Variants in EPHB1 observed in about 807,000 individuals in gnomAD.
The protein encoded by EPHB1 is ephrin type-B receptor 1.
In EPHB1, 30 loss-of-function variants were observed where a neutral mutation model predicts 94.4. The ratio of observed to expected loss-of-function variants is 0.32; its 90% CI spans 0.24 to 0.43. The LOEUF (loss-of-function observed/expected upper bound fraction) is 0.43, where lower values mean the gene tolerates loss of function less well. Among genes scored for constraint, EPHB1 ranks in the 20% least tolerant of loss-of-function variants. The probability of loss-of-function intolerance (pLI) is 1.00; values close to 1 mark genes in which losing one functional copy is unlikely to be tolerated. For synonymous variants in EPHB1, 522 were observed against 489.1 expected, an observed-to-expected ratio of 1.07 and a Z score of -0.89; for missense variants, 1,055 against 1,308.3, an observed-to-expected ratio of 0.81 and a Z score of 2.99.
intron 3 of EPHB1, among the ~76,000 whole-genome samples, chr3:135,093,525 G>A (rs1251518941): frequency 1.3e-5 from 2 of 152,106 alleles, no homozygotes; most frequent in Non-Finnish European, 2.9e-5. Flanking sequence ...CAAGACCAGC[G>A]TGGCCGACAT....
intron 2 of EPHB1, among the ~76,000 whole-genome samples, chr3:134,927,913 C>T (rs1032274536): frequency 5.3e-5 from 8 of 152,200 alleles, no homozygotes; most frequent in African/African-American, 1.9e-4. Flanking sequence ...TCAACATGGC[C>T]TTTGGTCTGG....
At position 135,018,979 on chromosome 3, in the gene EPHB1, CAGAGAGGACAGGGG is replaced by C. The variant is rs1217454245; in HGVS notation, c.805+66935_805+66948del. Among the ~76,000 whole-genome samples the C allele has an allele frequency of 9.8e-4, 149 of 152,250 alleles. 3 individuals carry two copies. The South Asian group carries it at 0.029, about 30-fold the overall frequency. ...GGCTGTGCCTTGGAGAGGCATGAGGCAGAGAGGACAGGGGAGAGAGGGAGCATCAGGGAAGTCTG... is the reference window on the plus strand; with the variant it reads ...GGCTGTGCCTTGGAGAGGCATGAGGCAGAGAGGGAGCATCAGGGAAGTCTG... On this transcript the variant is annotated intron_variant, in intron 3 of 15. Transcript: ENST00000398015.
intron 15 of EPHB1, among the ~76,000 whole-genome samples, chr3:135,256,423 A>G (rs1933391675): frequency 6.6e-6 from 1 of 152,162 alleles, no homozygotes; most frequent in African/African-American, 2.4e-5. Flanking sequence ...GGTGGTGACA[A>G]AATCTCTCAG....
Position 135,170,106 on chromosome 3 carries a change from A to C in EPHB1, c.1759+3100A>C, listed in dbSNP as rs538373809. ...GACCAGGGAGTAACAGAAAACCAGC[A>C]GCTCCCCAGCTTGTTCATTAATGCC... is the stretch of plus-strand genomic sequence containing the variant. On this transcript the variant is annotated intron_variant, in intron 9 of 15. Transcript: ENST00000398015. Among the ~76,000 whole-genome samples the C allele has an allele frequency of 6.7e-4, 102 of 152,346 alleles. 1 individual carries two copies. Among genetic ancestry groups the C allele is most frequent in the Admixed American group, 2.0e-3 (31 of 15,308 alleles).
chr3:135,248,371 C>A lies in EPHB1; in HGVS notation c.2552C>A (p.Ala851Asp), dbSNP rs946684936. ...CTGCCCCCACCCATGGACTGTCCAG[C>A]TGCTCTACACCAGCTCATGCTGGAC... ...YRLPPPMDCP[A>D]ALHQLMLDCW... The change falls in exon 14 of 16, where the codon GCT becomes GAT. Residue 851 changes from alanine to aspartate, a missense_variant. By Grantham distance (126) the Ala-to-Asp change is moderately radical. Transcript: ENST00000398015. 3 of 1,612,334 alleles carry A rather than the reference C, an allele frequency of 1.9e-6. No individual in the cohort carries two copies. Among genetic ancestry groups the A allele is most frequent in the Non-Finnish European group, 2.5e-6 (3 of 1,178,880 alleles).
intron 5 of EPHB1, among the ~76,000 whole-genome samples, chr3:135,152,370 G>A (rs1199677754): frequency 1.3e-5 from 2 of 152,222 alleles, no homozygotes; most frequent in Non-Finnish European, 2.9e-5. Context: ...GAGGCAAGAA[G>A]TCTCCCCTCT....
At chr3:135,087,063 T>C (rs932747923) in intron 3 of EPHB1, among the ~76,000 whole-genome samples, 2 of 152,174 alleles carry the variant, frequency 1.3e-5, no homozygotes, top group Non-Finnish European at 2.9e-5. Context: ...AGAAGATAAA[T>C]CTGAGAGTGG....
chr3:135,238,034 A>G (rs1281958738), intron 12 of EPHB1, among the ~76,000 whole-genome samples: 1 of 152,230 alleles, frequency 6.6e-6, no homozygotes, highest in African/African-American at 2.4e-5. Context: ...ACAAGTTATA[A>G]TCATCACTTG....
At chr3:134,809,061 C>T (rs1444120575) in intron 1 of EPHB1, among the ~76,000 whole-genome samples, 1 of 152,150 alleles carries the variant, frequency 6.6e-6, no homozygotes, top group Non-Finnish European at 1.5e-5. Flanking sequence ...GGCTCATTTC[C>T]CTTCTTTTTC....
At chr3:134,993,740 C>G (rs546870094) in intron 3 of EPHB1, among the ~76,000 whole-genome samples, 1 of 152,314 alleles carries the variant, frequency 6.6e-6, no homozygotes, top group East Asian at 1.9e-4. Flanking sequence ...CTCCCCATCA[C>G]CCTTAAATGT....
chr3:135,157,806 A>G (rs1036172644), intron 6 of EPHB1, among the ~76,000 whole-genome samples: 3 of 152,238 alleles, frequency 2.0e-5, no homozygotes, highest in Admixed American at 6.5e-5. Context: ...TATGTTGAGT[A>G]TCTATTATGT....
At chr3:134,949,553 T>C (rs1422606741) in intron 2 of EPHB1, among the ~76,000 whole-genome samples, 1 of 152,210 alleles carries the variant, frequency 6.6e-6, no homozygotes, top group Non-Finnish European at 1.5e-5. Flanking sequence ...GCACACATAA[T>C]TGGCTTTTAG....
chr3:135,079,093 AAAAC>A (rs750242167), intron 3 of EPHB1, among the ~76,000 whole-genome samples: 5,811 of 151,928 alleles, frequency 0.038, 159 homozygotes, highest in East Asian at 0.13. Flanking sequence ...AAGCAAAAAA[AAAAC>A]AAAACAAACA....
chr3:135,190,817 A>T (rs987305260), intron 10 of EPHB1, among the ~76,000 whole-genome samples: 68 of 152,362 alleles, frequency 4.5e-4, no homozygotes, highest in African/African-American at 1.6e-3. Flanking sequence ...TAAATATGAT[A>T]CAACAACTTT....
At chr3:134,974,349 C>T (rs567564110) in intron 3 of EPHB1, among the ~76,000 whole-genome samples, 1 of 152,296 alleles carries the variant, frequency 6.6e-6, no homozygotes, top group South Asian at 2.1e-4. Flanking sequence ...CACTTACTAG[C>T]TGTATGACCT....
chr3:134,866,720 A>C (rs1320955485), intron 1 of EPHB1, among the ~76,000 whole-genome samples: 1 of 152,206 alleles, frequency 6.6e-6, no homozygotes, highest in African/African-American at 2.4e-5. Context: ...AAGGCACTTC[A>C]CCACTTTGAT....
At chr3:135,228,147 G>A (rs1352384474) in intron 12 of EPHB1, among the ~76,000 whole-genome samples, 1 of 152,048 alleles carries the variant, frequency 6.6e-6, no homozygotes, top group Admixed American at 6.6e-5. Flanking sequence ...TCTAGTACAG[G>A]ATCCAGTCTA....
At chr3:135,073,719 G>A (rs1294120434) in intron 3 of EPHB1, among the ~76,000 whole-genome samples, 1 of 152,008 alleles carries the variant, frequency 6.6e-6, no homozygotes, top group African/African-American at 2.4e-5. Flanking sequence ...TTAAACTGCA[G>A]TGGGTTTATT....
chr3:135,024,454 A>T (rs141646424), intron 3 of EPHB1, among the ~76,000 whole-genome samples: 6 of 152,278 alleles, frequency 3.9e-5, no homozygotes, highest in African/African-American at 1.4e-4. Context: ...ACCTTCTTTA[A>T]AACCTTTCAA....
Sources: allele counts gnomAD v4.1 joint callset (sites outside exome capture counted in the v4.1 genomes callset), GRCh38; gene constraint gnomAD v4.1.1; transcripts MANE v1.5; gene names NCBI Gene and HGNC (gene_info 2026-07-23, HGNC 2026-07-21).